GPC6: variants seen among roughly 807,000 people sequenced by gnomAD.
The protein encoded by GPC6 is glypican-6.
A neutral mutation model predicts 55.2 loss-of-function variants in GPC6; 14 were observed. That is an observed-to-expected ratio of 0.25 (90% CI 0.17 to 0.40). The LOEUF is 0.40. Ranked by LOEUF, GPC6 falls within the 10% of genes least tolerant of loss-of-function variation. The probability of loss-of-function intolerance (pLI) is 1.00; values close to 1 mark genes in which losing one functional copy is unlikely to be tolerated. For synonymous variants in GPC6, 278 were observed against 259.6 expected (o/e 1.07, Z -0.68); for missense variants, 641 against 708.5 (o/e 0.90, Z 1.08).
At chr13:93,930,275 G>GTTTTTTGTTTTTTTTT (rs1878094994) in intron 3 of GPC6, among the ~76,000 whole-genome samples, 1 of 123,826 alleles carries the variant, frequency 8.1e-6, no homozygotes, top group East Asian at 2.5e-4. Flanking sequence ...GAAACGAAAG[G>GTTTTTTGTTTTTTTTT]TTTTTTTTTT....
intron 2 of GPC6, among the ~76,000 whole-genome samples, chr13:93,643,902 T>C (rs1256161063): frequency 3.3e-5 from 5 of 152,066 alleles, no homozygotes; most frequent in Non-Finnish European, 7.4e-5. Context: ...GCATTCAGTA[T>C]TGTTAAGTTG....
At chr13:94,177,330 CTA>C (rs2138940529) in intron 4 of GPC6, among the ~76,000 whole-genome samples, 1 of 151,998 alleles carries the variant, frequency 6.6e-6, no homozygotes, top group African/African-American at 2.4e-5. Context: ...TGTAAAACTT[CTA>C]TGTGTCAACC....
intron 1 of GPC6, among the ~76,000 whole-genome samples, chr13:93,498,800 A>G (rs1251906258): frequency 2.0e-5 from 3 of 152,096 alleles, no homozygotes; most frequent in Admixed American, 2.0e-4. Context: ...TGTGTGCCAT[A>G]TTCTTTATGA....
intron 2 of GPC6, among the ~76,000 whole-genome samples, chr13:93,705,005 C>T (rs1168538661): frequency 6.6e-6 from 1 of 152,048 alleles, no homozygotes; most frequent in East Asian, 2.0e-4. Flanking sequence ...ACTTAGATTA[C>T]ACCTGTATTT....
intron 3 of GPC6, among the ~76,000 whole-genome samples, chr13:93,975,761 A>C (rs539820099): frequency 6.6e-6 from 1 of 152,100 alleles, no homozygotes; most frequent in Admixed American, 6.6e-5. Context: ...TGCCATTTAC[A>C]TATTTCTCAA....
At chr13:93,847,324 C>T (rs1888216533) in intron 3 of GPC6, among the ~76,000 whole-genome samples, 1 of 151,964 alleles carries the variant, frequency 6.6e-6, no homozygotes, top group South Asian at 2.1e-4. Context: ...AATAAATGCC[C>T]AATTATGATC....
chr13:93,466,453 G>A (rs2139321731), intron 1 of GPC6, among the ~76,000 whole-genome samples: 1 of 152,244 alleles, frequency 6.6e-6, no homozygotes, highest in East Asian at 1.9e-4. Context: ...TACATTTCTA[G>A]CACTTAACAC....
chr13:93,225,486 GTTTTTTTTTTTGTTTTGTTTTGTTTTTT>G (rs1347574079), upstream of GPC6, among the ~76,000 whole-genome samples: 16 of 151,548 alleles, frequency 1.1e-4, no homozygotes, highest in Non-Finnish European at 1.5e-4. Flanking sequence ...TAGCTATGGA[GTTTTTTTTTTTGTTTTGTTTTGTTTTTT>G]TTTTTTTTGG....
intron 2 of GPC6, among the ~76,000 whole-genome samples, chr13:93,599,764 T>G (rs1566443803): frequency 6.6e-6 from 1 of 152,230 alleles, no homozygotes; most frequent in Non-Finnish European, 1.5e-5. Flanking sequence ...TTAGCTTAAT[T>G]TAAAGTATAA....
At chr13:93,699,459 A>G (rs1277797820) in intron 2 of GPC6, among the ~76,000 whole-genome samples, 2 of 152,082 alleles carry the variant, frequency 1.3e-5, no homozygotes, top group Non-Finnish European at 2.9e-5. Context: ...TCCATGTGAC[A>G]CCACTGTACA....
chr13:94,380,184 A>G (rs1399935206), intron 6 of GPC6, among the ~76,000 whole-genome samples: 1 of 152,198 alleles, frequency 6.6e-6, no homozygotes, highest in Non-Finnish European at 1.5e-5. Context: ...AAGAAAGAGA[A>G]TGCTCATTCT....
chr13:94,175,723 A>G (rs945260496), intron 4 of GPC6, among the ~76,000 whole-genome samples: 4 of 151,384 alleles, frequency 2.6e-5, no homozygotes, highest in Non-Finnish European at 5.9e-5. Context: ...GATTCTCTGT[A>G]TGGTTTTAAT....
intron 3 of GPC6, among the ~76,000 whole-genome samples, chr13:93,860,479 G>T (rs541640032): frequency 6.6e-6 from 1 of 151,450 alleles, no homozygotes; most frequent in African/African-American, 2.4e-5. Context: ...TATAATTTCA[G>T]TTAACTCATA....
At chr13:94,051,354 A>G (rs1335951534) in intron 4 of GPC6, among the ~76,000 whole-genome samples, 2 of 150,684 alleles carry the variant, frequency 1.3e-5, no homozygotes, top group Non-Finnish European at 3.0e-5. Context: ...TAAACAGGCT[A>G]TCTTGCACAC....
intron 4 of GPC6, among the ~76,000 whole-genome samples, chr13:94,052,841 G>A (rs1465702331): frequency 6.6e-6 from 1 of 152,038 alleles, no homozygotes; most frequent in African/African-American, 2.4e-5. Flanking sequence ...TGCCCCTTGG[G>A]ACTCTGGCTC....
At position 94,404,180 on chromosome 13, in the gene GPC6, T is replaced by C. The variant is rs1881275037; in HGVS notation, c.*963T>C. 1 of 152,168 alleles carries C rather than the reference T, an allele frequency of 6.6e-6. No individual in the cohort carries two copies. Among genetic ancestry groups the C allele is most frequent in the African/African-American group, 2.4e-5 (1 of 41,446 alleles). The allele number at this position is 152,168 out of a possible 1,614,324, so 9.4% of individuals were successfully genotyped here. A position where few individuals can be genotyped will look rare whatever the true frequency, so the allele number is the denominator to read the frequency against. ...CCAAAACAATAGTTTTTTTAATGAA[T>C]TGAAACACAATTAGATCCATTCCTG... On this transcript the variant is annotated 3_prime_UTR_variant, in exon 9 of 9. Coordinates refer to ENST00000377047, the MANE Select transcript of GPC6 (RefSeq NM_005708.5).
At chr13:94,174,685 T>G (rs1281306915) in intron 4 of GPC6, among the ~76,000 whole-genome samples, 1 of 152,170 alleles carries the variant, frequency 6.6e-6, no homozygotes, top group Non-Finnish European at 1.5e-5. Flanking sequence ...AATGTCCTTG[T>G]AAATGTCATG....
At chr13:94,280,249 G>A (rs1192125999) in intron 4 of GPC6, among the ~76,000 whole-genome samples, 1 of 152,036 alleles carries the variant, frequency 6.6e-6, no homozygotes, top group Non-Finnish European at 1.5e-5. Flanking sequence ...TTTTTTCAGA[G>A]ACTGGGCCAG....
At chr13:93,658,862 TTCAGTA>T (rs2139609449) in intron 2 of GPC6, among the ~76,000 whole-genome samples, 1 of 151,974 alleles carries the variant, frequency 6.6e-6, no homozygotes, top group South Asian at 2.1e-4. Context: ...ATTGTCAGAT[TTCAGTA>T]TCAGCATTAT....
Sources: allele counts gnomAD v4.1 joint callset (sites outside exome capture counted in the v4.1 genomes callset), GRCh38; gene constraint gnomAD v4.1.1; transcripts MANE v1.5; gene names NCBI Gene and HGNC (gene_info 2026-07-23, HGNC 2026-07-21).